PDE11A: variants seen among roughly 807,000 people sequenced by gnomAD.
PDE11A encodes the protein dual 3',5'-cyclic-AMP and -GMP phosphodiesterase 11A.
PDE11A carries 100 observed loss-of-function variants against 100.5 expected under a neutral mutation model. The observed-to-expected ratio is 1.00, with a 90% CI of 0.85 to 1.18. The LOEUF (loss-of-function observed/expected upper bound fraction) is 1.18. Ranked by LOEUF, PDE11A falls within the 50% of genes most tolerant of loss-of-function variation. The pLI is 0.00. For missense variants in PDE11A, 1,141 were observed against 1,152.6 expected (o/e 0.99, Z 0.15); for synonymous variants, 381 against 420.8 (o/e 0.91, Z 1.16).
chr2:177,731,030 T>A (rs911813072), intron 10 of PDE11A, among the ~76,000 whole-genome samples: 1 of 152,224 alleles, frequency 6.6e-6, no homozygotes, highest in African/African-American at 2.4e-5. Context: ...AGTAGAATCA[T>A]GCAATATTCG....
At chr2:178,061,443 A>G (rs965813105) in intron 1 of PDE11A, among the ~76,000 whole-genome samples, 4 of 152,200 alleles carry the variant, frequency 2.6e-5, no homozygotes, top group African/African-American at 9.6e-5. Flanking sequence ...GCTAACCCAC[A>G]TAATGACCTC....
chr2:177,891,645 T>C (rs2084531166), intron 4 of PDE11A, among the ~76,000 whole-genome samples: 1 of 152,230 alleles, frequency 6.6e-6, no homozygotes, highest in East Asian at 1.9e-4. Context: ...CATTTTTCAA[T>C]GTTATAAGAC....
At chr2:177,890,218 G>A (rs566632227) in intron 4 of PDE11A, among the ~76,000 whole-genome samples, 1 of 152,070 alleles carries the variant, frequency 6.6e-6, no homozygotes, top group Non-Finnish European at 1.5e-5. Flanking sequence ...GCAGCTGCAG[G>A]GTGACTTGCC....
chr2:177,893,547 T>C (rs1256622897), intron 4 of PDE11A, among the ~76,000 whole-genome samples: 1 of 152,182 alleles, frequency 6.6e-6, no homozygotes, highest in African/African-American at 2.4e-5. Flanking sequence ...TACTGTCAAG[T>C]TGGGGAGGGG....
chr2:177,961,824 A>G (rs891565841), intron 2 of PDE11A, among the ~76,000 whole-genome samples: 1 of 152,108 alleles, frequency 6.6e-6, no homozygotes, highest in African/African-American at 2.4e-5. Context: ...CATGCCTGTA[A>G]TCCCAGCCCT....
chr2:177,798,893 C>T lies in PDE11A; in HGVS notation c.1737+17936G>A, dbSNP rs147979021. Among the ~76,000 whole-genome samples the T allele has an allele frequency of 4.1e-3, 629 of 152,282 alleles. 4 individuals are homozygous for T. The highest frequency in any genetic ancestry group is 6.4e-3 in the Non-Finnish European group (436 of 68,010). On this transcript the variant is annotated intron_variant, in intron 9 of 19. Coordinates refer to ENST00000286063, the MANE Select transcript of PDE11A (RefSeq NM_016953.4). ...GTGCATAGTGACTTCCTTCTAAAGA[C>T]TACAGTGTAGAAAGAGGAAAAAAGA...
intron 4 of PDE11A, among the ~76,000 whole-genome samples, chr2:177,891,887 T>C (rs1200508922): frequency 6.6e-6 from 1 of 152,172 alleles, no homozygotes; most frequent in African/African-American, 2.4e-5. Flanking sequence ...ACAGAAAAAA[T>C]TGCCAATTTC....
At chr2:177,938,259 T>C (rs2085302605) in intron 2 of PDE11A, among the ~76,000 whole-genome samples, 2 of 152,100 alleles carry the variant, frequency 1.3e-5, no homozygotes, top group Admixed American at 1.3e-4. Context: ...TAGGGTTTCT[T>C]AAAAGGGAAA....
intron 16 of PDE11A, among the ~76,000 whole-genome samples, chr2:177,678,951 C>A (rs566619488): frequency 2.9e-4 from 43 of 150,480 alleles, no homozygotes; most frequent in South Asian, 2.5e-3. Flanking sequence ...AAAAATACAT[C>A]CTTGGGGGAC....
chr2:177,973,127 C>T (rs2085794032), intron 2 of PDE11A, among the ~76,000 whole-genome samples: 1 of 151,244 alleles, frequency 6.6e-6, no homozygotes, highest in Non-Finnish European at 1.5e-5. Flanking sequence ...CAGCTCCCAG[C>T]GTGAGCGACG....
chr2:177,879,717 T>G (rs558235905), intron 4 of PDE11A, among the ~76,000 whole-genome samples: 11 of 152,260 alleles, frequency 7.2e-5, no homozygotes, highest in African/African-American at 2.4e-4. Flanking sequence ...CTGAGGGATA[T>G]AAGAAATGGA....
At chr2:177,653,928 C>A (rs901465498) in intron 19 of PDE11A, among the ~76,000 whole-genome samples, 7 of 152,360 alleles carry the variant, frequency 4.6e-5, no homozygotes, top group South Asian at 2.1e-4. Context: ...GATCGGCTGG[C>A]TCCCTGTTGC....
intron 9 of PDE11A, among the ~76,000 whole-genome samples, chr2:177,808,511 C>T (rs1346228176): frequency 2.6e-5 from 4 of 152,196 alleles, no homozygotes; most frequent in Non-Finnish European, 4.4e-5. Context: ...CTACCTCCTC[C>T]AAGCTGAGCT....
chr2:178,023,142 C>A (rs2086435168), intron 1 of PDE11A, among the ~76,000 whole-genome samples: 2 of 152,222 alleles, frequency 1.3e-5, no homozygotes, highest in South Asian at 4.1e-4. Flanking sequence ...GGATCTTGCA[C>A]TTGCAAACCC....
chr2:177,988,039 C>T (rs2085961314), intron 2 of PDE11A, among the ~76,000 whole-genome samples: 1 of 152,196 alleles, frequency 6.6e-6, no homozygotes, highest in Admixed American at 6.5e-5. Context: ...CACACAAAAT[C>T]TTGTGCAGAA....
chr2:177,943,919 C>T (rs149530757), intron 2 of PDE11A, among the ~76,000 whole-genome samples: 127 of 152,262 alleles, frequency 8.3e-4, no homozygotes, highest in South Asian at 1.5e-3. Flanking sequence ...TAAAATAAGG[C>T]CTTAGCCTCA....
intron 1 of PDE11A, among the ~76,000 whole-genome samples, chr2:178,048,354 G>C (rs750535428): frequency 2.6e-5 from 4 of 152,174 alleles, no homozygotes; most frequent in Admixed American, 1.3e-4. Context: ...GGCGCGGCAT[G>C]AAAGAAAGAG....
chr2:177,781,786 G>A (rs1465936914), intron 9 of PDE11A, among the ~76,000 whole-genome samples: 1 of 152,180 alleles, frequency 6.6e-6, no homozygotes, highest in Admixed American at 6.5e-5. Flanking sequence ...ACAAGTGTGA[G>A]CCACCATGTC....
rs568430846 is a variant in PDE11A at position 177,725,840 on chromosome 2, T to A, written c.2043+1818A>T. ...CCTATTCCAACTATTTTAAGGTTTG[T>A]TATAAAAATCTGTCTCTGTCCTTGA... On this transcript the variant is annotated intron_variant, in intron 12 of 19. Coordinates refer to ENST00000286063, the MANE Select transcript of PDE11A (RefSeq NM_016953.4). 5.3e-5 allele frequency among the ~76,000 whole-genome samples: 8 copies of A among 152,274 alleles called. 1 individual carries two copies. Among genetic ancestry groups the A allele is most frequent in the Admixed American group, 2.0e-4 (3 of 15,282 alleles).
Sources: allele counts gnomAD v4.1 joint callset (sites outside exome capture counted in the v4.1 genomes callset), GRCh38; gene constraint gnomAD v4.1.1; transcripts MANE v1.5; gene names NCBI Gene and HGNC (gene_info 2026-07-23, HGNC 2026-07-21).